Variants in NRG2 observed in about 807,000 individuals in gnomAD.
NRG2 encodes the protein neuregulin 2.
A neutral mutation model predicts 73.9 loss-of-function variants in NRG2; 27 were observed. That is an observed-to-expected ratio of 0.37 (90% CI 0.27 to 0.50). NRG2 has a LOEUF of 0.50. Among genes scored for constraint, NRG2 ranks in the 20% least tolerant of loss-of-function variants. The pLI is 0.96. For synonymous variants in NRG2, 532 were observed against 541.0 expected (o/e 0.98, Z 0.23); for missense variants, 1,126 against 1,210.1 (o/e 0.93, Z 1.03).
At position 139,870,782 on chromosome 5, in the gene NRG2, C is replaced by T. The variant is rs1327581860; in HGVS notation, c.1112+939G>A. 3.9e-5 allele frequency among the ~76,000 whole-genome samples: 6 copies of T among 152,204 alleles called. No individual in the cohort carries two copies. Among genetic ancestry groups the T allele is most frequent in the African/African-American group, 1.4e-4 (6 of 41,460 alleles). On this transcript the variant is annotated intron_variant, in intron 4 of 9. Transcript: ENST00000361474. This position sits in a 1 kb window ranked among gnomAD's most constrained non-coding sequence, Gnocchi z 4.4. ...GCCCTCACCAAGCTCCCCTCCCCTC[C>T]TCACACACTCACCAGAGAATCTGTC...
At chr5:140,027,427 G>A (rs1477801653) in intron 1 of NRG2, among the ~76,000 whole-genome samples, 7 of 152,188 alleles carry the variant, frequency 4.6e-5, no homozygotes, top group Non-Finnish European at 8.8e-5. Context: ...ATTCGTGGGC[G>A]TGGCTTTTGT....
chr5:139,930,434 T>C (rs1752391558), intron 1 of NRG2, among the ~76,000 whole-genome samples: 1 of 152,210 alleles, frequency 6.6e-6, no homozygotes, highest in Non-Finnish European at 1.5e-5. Flanking sequence ...GTGTAAGGTA[T>C]GCTTGGAAAA....
intron 1 of NRG2, among the ~76,000 whole-genome samples, chr5:139,931,233 G>T (rs1752445354): frequency 6.6e-6 from 1 of 152,214 alleles, no homozygotes; most frequent in Admixed American, 6.5e-5. Flanking sequence ...TAGAGGAAAA[G>T]ACATATTCCC....
At chr5:139,855,591 G>A (rs564491442) in intron 6 of NRG2, 85 bp downstream of exon 6, 44 of 1,157,852 alleles carry the variant, frequency 3.8e-5, no homozygotes, top group Admixed American at 2.5e-4. Flanking sequence ...CCAGTGGGGT[G>A]GGGGAGGAAA....
chr5:140,010,793 A>G (rs916377927), intron 1 of NRG2, among the ~76,000 whole-genome samples: 1 of 152,220 alleles, frequency 6.6e-6, no homozygotes, highest in East Asian at 1.9e-4. Flanking sequence ...CTTTAGTTAT[A>G]GCCAGAACCC....
chr5:139,863,581 AG>A (rs1484067502), intron 5 of NRG2, among the ~76,000 whole-genome samples: 1 of 152,222 alleles, frequency 6.6e-6, no homozygotes. Context: ...CTCGCCATCC[AG>A]GACAGTCTCA....
chr5:139,993,466 G>T (rs1449863961), intron 1 of NRG2, among the ~76,000 whole-genome samples: 3 of 152,116 alleles, frequency 2.0e-5, no homozygotes, highest in Non-Finnish European at 4.4e-5. Flanking sequence ...ATCTTTACAT[G>T]GGAGCTCGCT....
At chr5:139,907,027 T>G (rs1765281038) in intron 1 of NRG2, among the ~76,000 whole-genome samples, 1 of 152,042 alleles carries the variant, frequency 6.6e-6, no homozygotes, top group Admixed American at 6.6e-5. Flanking sequence ...GTGTATGGGA[T>G]GTGGGTATAT....
rs1470863220 is a variant in NRG2 at position 139,865,047 on chromosome 5, C to T, written c.1189+502G>A. ...CTCCCCCTAGTCTTGCTAAGCAAGGCCCCATCCCTCCCCAGGGGGAGACTG... is the reference window on the plus strand; with the variant it reads ...CTCCCCCTAGTCTTGCTAAGCAAGGTCCCATCCCTCCCCAGGGGGAGACTG... On this transcript the variant is annotated intron_variant, in intron 5 of 9. Transcript: ENST00000361474. This position sits in a 1 kb window ranked among gnomAD's most constrained non-coding sequence, Gnocchi z 5.2. 2 of 1,347,186 alleles carry T rather than the reference C, an allele frequency of 1.5e-6. No homozygotes were observed. The highest frequency in any genetic ancestry group is 2.3e-5 in the East Asian group (1 of 43,650). The allele number at this position is 1,347,186 out of a possible 1,614,324, so 83.5% of individuals were successfully genotyped here.
chr5:139,999,805 G>A (rs1481430662), intron 1 of NRG2, among the ~76,000 whole-genome samples: 2 of 152,114 alleles, frequency 1.3e-5, no homozygotes, highest in Non-Finnish European at 2.9e-5. Context: ...ATATACTCTG[G>A]GTGAGAACAT....
At chr5:139,951,627 G>A (rs1754207916) in intron 1 of NRG2, among the ~76,000 whole-genome samples, 1 of 152,218 alleles carries the variant, frequency 6.6e-6, no homozygotes, top group Non-Finnish European at 1.5e-5. Flanking sequence ...AAGCTCCCAA[G>A]TTCCCCAGAG....
intron 1 of NRG2, among the ~76,000 whole-genome samples, chr5:139,934,765 C>T (rs1752719701): frequency 6.6e-6 from 1 of 152,166 alleles, no homozygotes; most frequent in African/African-American, 2.4e-5. Flanking sequence ...CAAAAGAAGG[C>T]TTAAGTGACT....
At position 139,998,391 on chromosome 5, in the gene NRG2, G is replaced by C. The variant is rs77006177; in HGVS notation, c.700+43979C>G. Among the ~76,000 whole-genome samples the C allele has an allele frequency of 1.5e-3, 230 of 152,222 alleles. 2 individuals are homozygous for C. The East Asian group carries it at 0.025, about 17-fold the overall frequency. On this transcript the variant is annotated intron_variant, in intron 1 of 9. Coordinates refer to ENST00000361474, the MANE Select transcript of NRG2 (RefSeq NM_004883.3). ...CCAACCCAAGGCCAAGAAAGTCCTG[G>C]AGGGCCGGCCACGTGACCATCTCAG...
chr5:140,040,714 A>G (rs549958274), intron 1 of NRG2, among the ~76,000 whole-genome samples: 2 of 152,196 alleles, frequency 1.3e-5, no homozygotes, highest in Non-Finnish European at 2.9e-5. Flanking sequence ...CCACTGTACA[A>G]TACTGTTTCA....
At chr5:139,882,399 C>T (rs1217284801) in intron 2 of NRG2, among the ~76,000 whole-genome samples, 2 of 152,180 alleles carry the variant, frequency 1.3e-5, no homozygotes, top group African/African-American at 2.4e-5. Context: ...TGTCTATAGA[C>T]CCTATTGCTA....
chr5:139,872,228 G>A (rs1348887813), intron 3 of NRG2, among the ~76,000 whole-genome samples: 1 of 152,214 alleles, frequency 6.6e-6, no homozygotes, highest in Non-Finnish European at 1.5e-5. Flanking sequence ...GATGTCTCAT[G>A]TGGGGAACAA....
intron 1 of NRG2, among the ~76,000 whole-genome samples, chr5:140,003,042 CTT>C (rs1160762620): frequency 6.6e-6 from 1 of 152,236 alleles, no homozygotes; most frequent in African/African-American, 2.4e-5. Flanking sequence ...ATCCAGGCAA[CTT>C]TTTTTCCCAT....
Position 140,038,508 on chromosome 5 carries a change from C to T in NRG2, c.700+3862G>A, listed in dbSNP as rs1473681370. Among the ~76,000 whole-genome samples the T allele has an allele frequency of 3.3e-5, 5 of 152,158 alleles. No individual in the cohort carries two copies. The East Asian group carries it at 7.7e-4, about 23-fold the overall frequency. On this transcript the variant is annotated intron_variant, in intron 1 of 9. Coordinates refer to ENST00000361474, the MANE Select transcript of NRG2 (RefSeq NM_004883.3). ...TCTTTCGGAAGAAAGGTTCCCATAG[C>T]GACAGGTAAAGGCTATCATCAAACT...
At position 139,887,539 on chromosome 5, in the gene NRG2, C is replaced by T; in HGVS notation, c.701-28G>A. 1.9e-6 allele frequency: 3 copies of T among 1,610,220 alleles called. No individual in the cohort carries two copies. Among genetic ancestry groups the T allele is most frequent in the Non-Finnish European group, 2.5e-6 (3 of 1,177,484 alleles). ...GTGGGTTACAAGGCAGGTAGGTGAG[C>T]ACGGTGGTGGTAGGGGCAGTGCCAA... On this transcript the variant is annotated intron_variant, in intron 1 of 9. Coordinates refer to ENST00000361474, the MANE Select transcript of NRG2 (RefSeq NM_004883.3). This position sits in a 1 kb window ranked among gnomAD's most constrained non-coding sequence, Gnocchi z 4.5.
Sources: allele counts gnomAD v4.1 joint callset (sites outside exome capture counted in the v4.1 genomes callset), GRCh38; gene constraint gnomAD v4.1.1; non-coding constraint Gnocchi (gnomAD v3.1); transcripts MANE v1.5; gene names NCBI Gene and HGNC (gene_info 2026-07-23, HGNC 2026-07-21).